Variants in NELL1 observed in about 807,000 individuals in gnomAD.
The protein encoded by NELL1 is protein kinase C-binding protein NELL1.
Under a neutral mutation model 107.4 loss-of-function variants are expected in NELL1, and 76 were observed. That is an observed-to-expected ratio of 0.71 (90% CI 0.59 to 0.86). NELL1 has a LOEUF of 0.86. Ranked by LOEUF, NELL1 falls within the 40% of genes least tolerant of loss-of-function variation. The pLI, the probability that NELL1 is intolerant of heterozygous loss-of-function variation, is 0.00. For synonymous variants in NELL1, 353 were observed against 341.2 expected (o/e 1.03, Z -0.38); for missense variants, 1,024 against 1,005.5 (o/e 1.02, Z -0.25).
At chr11:21,358,432 C>G (rs535290921) in intron 14 of NELL1, among the ~76,000 whole-genome samples, 3 of 151,912 alleles carry the variant, frequency 2.0e-5, no homozygotes, top group African/African-American at 7.3e-5. Context: ...CAGAGTCTTG[C>G]ACTGTCTCCC....
chr11:21,269,125 CTG>C (rs1445291651), intron 14 of NELL1, among the ~76,000 whole-genome samples: 1 of 151,080 alleles, frequency 6.6e-6, no homozygotes, highest in Non-Finnish European at 1.5e-5. Flanking sequence ...AAAAAGAAAA[CTG>C]AGAAAAAAAC....
At chr11:21,168,560 T>C (rs1455010534) in intron 13 of NELL1, among the ~76,000 whole-genome samples, 1 of 151,812 alleles carries the variant, frequency 6.6e-6, no homozygotes, top group Admixed American at 6.6e-5. Flanking sequence ...ACTCATCCAT[T>C]AACATGGTCC....
At chr11:21,453,584 A>G (rs1853642404) in intron 15 of NELL1, among the ~76,000 whole-genome samples, 3 of 151,680 alleles carry the variant, frequency 2.0e-5, no homozygotes, top group Admixed American at 2.0e-4. Context: ...ATTCCATCTC[A>G]CAATCTAGGC....
rs142647153 is a variant in NELL1, at chr11:21,124,807, G to A, written c.1426+11093G>A. ...GTACAGACAGGGTTTCTCCATATTG[G>A]TCAGGTTGGTCTTGAACTCCCAACC... On this transcript the variant is annotated intron_variant, in intron 13 of 19. Coordinates refer to ENST00000357134, the MANE Select transcript of NELL1 (RefSeq NM_006157.5). 7.8e-3 allele frequency among the ~76,000 whole-genome samples: 1,193 copies of A among 151,978 alleles called. 13 individuals are homozygous for A. Among genetic ancestry groups the A allele is most frequent in the African/African-American group, 0.025 (1,023 of 41,438 alleles).
chr11:21,499,562 C>T (rs117119024), intron 15 of NELL1, among the ~76,000 whole-genome samples: 104 of 152,220 alleles, frequency 6.8e-4, no homozygotes, highest in Admixed American at 1.5e-3. Context: ...ACTGGAATGT[C>T]CAGCTGCCTC....
At chr11:21,332,128 A>T (rs1038263669) in intron 14 of NELL1, among the ~76,000 whole-genome samples, 2 of 152,146 alleles carry the variant, frequency 1.3e-5, no homozygotes, top group African/African-American at 4.8e-5. Context: ...CAGAACTTTA[A>T]TGTCTCCCAG....
At chr11:20,776,691 A>G (rs964264464) in intron 2 of NELL1, among the ~76,000 whole-genome samples, 1 of 152,048 alleles carries the variant, frequency 6.6e-6, no homozygotes, top group African/African-American at 2.4e-5. Flanking sequence ...AGTGTACCAA[A>G]ATGGGTAGGA....
intron 3 of NELL1, among the ~76,000 whole-genome samples, chr11:20,784,399 C>T (rs1590290952): frequency 6.6e-6 from 1 of 152,160 alleles, no homozygotes; most frequent in East Asian, 1.9e-4. Context: ...TGTGAGTATT[C>T]TACATGCTGA....
At chr11:21,251,343 T>C (rs1274951612) in intron 14 of NELL1, among the ~76,000 whole-genome samples, 2 of 152,054 alleles carry the variant, frequency 1.3e-5, no homozygotes, top group Non-Finnish European at 2.9e-5. Flanking sequence ...ATTCCCCCAA[T>C]ATAAAAGGAG....
At chr11:21,377,892 T>A (rs947321160) in intron 15 of NELL1, among the ~76,000 whole-genome samples, 1 of 151,972 alleles carries the variant, frequency 6.6e-6, no homozygotes, top group African/African-American at 2.4e-5. Flanking sequence ...ATGTCATAGA[T>A]CAGGATTTCT....
intron 15 of NELL1, among the ~76,000 whole-genome samples, chr11:21,466,366 C>G (rs1854031143): frequency 6.6e-6 from 1 of 152,056 alleles, no homozygotes; most frequent in Non-Finnish European, 1.5e-5. Flanking sequence ...GAAACAGCTA[C>G]CAGCACAAGG....
chr11:20,811,866 T>A (rs1245023958), intron 3 of NELL1, among the ~76,000 whole-genome samples: 1 of 152,090 alleles, frequency 6.6e-6, no homozygotes, highest in Admixed American at 6.6e-5. Flanking sequence ...ATATATAAAA[T>A]TATGTTGTCT....
intron 16 of NELL1, 119 bp downstream of exon 16, chr11:21,534,633 C>T (rs76827017): frequency 0.014 from 15,383 of 1,091,126 alleles, 306 homozygotes; most frequent in East Asian, 0.085. Flanking sequence ...TTAAATGCAT[C>T]AGTTTTCAAA....
intron 4 of NELL1, among the ~76,000 whole-genome samples, chr11:20,867,320 A>G (rs549712318): frequency 7.9e-5 from 12 of 152,316 alleles, no homozygotes; most frequent in Non-Finnish European, 1.6e-4. Context: ...GATTGACTCT[A>G]CGTCATGGGT....
At chr11:20,725,887 T>C (rs1855496607) in intron 2 of NELL1, among the ~76,000 whole-genome samples, 1 of 152,232 alleles carries the variant, frequency 6.6e-6, no homozygotes, top group Non-Finnish European at 1.5e-5. Flanking sequence ...AGTTAGTTTT[T>C]CAACTCTTTC....
At chr11:21,563,597 T>C (rs961167728) in intron 17 of NELL1, among the ~76,000 whole-genome samples, 1 of 152,060 alleles carries the variant, frequency 6.6e-6, no homozygotes, top group African/African-American at 2.4e-5. Flanking sequence ...GTATTATTAG[T>C]AATCTAGAGA....
chr11:20,964,621 C>T (rs549132952), intron 12 of NELL1, among the ~76,000 whole-genome samples: 3 of 152,290 alleles, frequency 2.0e-5, no homozygotes, highest in African/African-American at 7.2e-5. Context: ...TACTCTAGAG[C>T]TTTCTGCCTG....
chr11:20,922,350 AC>A (rs1850397712), intron 7 of NELL1, among the ~76,000 whole-genome samples: 3 of 151,868 alleles, frequency 2.0e-5, no homozygotes, highest in Admixed American at 6.6e-5. Flanking sequence ...TAGCTCTGTG[AC>A]AATTTTCAAA....
At chr11:20,714,651 G>A (rs1715272) in intron 2 of NELL1, among the ~76,000 whole-genome samples, 45,456 of 151,804 alleles carry the variant, frequency 0.3, 7,198 homozygotes, top group African/African-American at 0.33. Context: ...TCTCCTGAGT[G>A]GCTAGGACCC....
Sources: gnomAD v4.1 joint callset for allele counts (sites outside exome capture counted in the v4.1 genomes callset) on GRCh38, gnomAD v4.1.1 for gene constraint, MANE v1.5 for transcripts, NCBI Gene and HGNC (gene_info 2026-07-23, HGNC 2026-07-21) for gene names.